Variants in FYN observed in about 807,000 individuals in gnomAD.
FYN encodes the protein FYN proto-oncogene, Src family tyrosine kinase, also known as tyrosine-protein kinase Fyn.
A neutral mutation model predicts 70.2 loss-of-function variants in FYN; 10 were observed. The ratio of observed to expected loss-of-function variants is 0.14; its 90% CI spans 0.09 to 0.24. The LOEUF (loss-of-function observed/expected upper bound fraction) is 0.24, where lower values mean the gene tolerates loss of function less well. Among genes scored for constraint, FYN ranks in the 10% least tolerant of loss-of-function variants. FYN has a pLI of 1.00. For synonymous variants in FYN, 236 were observed against 248.6 expected, an observed-to-expected ratio of 0.95 and a Z score of 0.48; for missense variants, 319 against 673.1, an observed-to-expected ratio of 0.47 and a Z score of 5.82.
At chr6:111,867,779 G>C (rs1312220024) in intron 1 of FYN, among the ~76,000 whole-genome samples, 1 of 151,946 alleles carries the variant, frequency 6.6e-6, no homozygotes, top group Non-Finnish European at 1.5e-5. Flanking sequence ...CATTAGTTCT[G>C]CCTGCCCTCG....
intron 2 of FYN, among the ~76,000 whole-genome samples, chr6:111,797,705 TATATATACAC>T: frequency 1.1e-5 from 1 of 93,082 alleles, no homozygotes; most frequent in South Asian, 3.5e-4. Flanking sequence ...TATATATATA[TATATATACAC>T]ACACACACAC....
At chr6:111,839,164 C>A (rs1399737705) in intron 2 of FYN, among the ~76,000 whole-genome samples, 1 of 152,180 alleles carries the variant, frequency 6.6e-6, no homozygotes, top group Non-Finnish European at 1.5e-5. Flanking sequence ...TAGACAGCCA[C>A]CTATAGAAGA....
intron 3 of FYN, among the ~76,000 whole-genome samples, chr6:111,761,860 G>A (rs986349166): frequency 2.6e-5 from 4 of 152,110 alleles, no homozygotes; most frequent in African/African-American, 9.7e-5. Flanking sequence ...AAATGCTCTC[G>A]AGAATCCCCT....
At chr6:111,667,201 T>G (rs1798049654) in intron 13 of FYN, among the ~76,000 whole-genome samples, 1 of 152,154 alleles carries the variant, frequency 6.6e-6, no homozygotes, top group Admixed American at 6.5e-5. Flanking sequence ...GAGCTGTACA[T>G]GAACTCAGTA....
chr6:111,741,860 C>T (rs958792295), intron 3 of FYN, among the ~76,000 whole-genome samples: 2 of 152,186 alleles, frequency 1.3e-5, no homozygotes. Flanking sequence ...CAACATCAAG[C>T]CTAAGTCCTG....
rs138754652 is a variant in FYN at position 111,694,093 on chromosome 6, A to T, written c.1273+282T>A. The stretch of plus-strand genomic sequence containing the variant: ...CAAAAACAGAGTATTCTAGGCCTGG[A>T]CGCTGTGAGGAGACCAGCATGAGCC... On this transcript the variant is annotated intron_variant, in intron 12 of 13. Coordinates refer to ENST00000354650, the MANE Select transcript of FYN (RefSeq NM_002037.5). The surrounding 1 kb of genome is among the most constrained non-coding windows in gnomAD (Gnocchi z 5.0). Among the ~76,000 whole-genome samples, 88 of 152,262 alleles carry T rather than the reference A, an allele frequency of 5.8e-4. No individual in the cohort carries two copies. The East Asian group carries it at 0.016, about 28-fold the overall frequency.
rs1583504497 is a variant in FYN, at chr6:111,866,202, A to C, written c.-123+6766T>G. ...ACATGTATTAACTCACTGAATCCTC[A>C]CAGCAACCCTCTGAGGCAGGAACTA... On this transcript the variant is annotated intron_variant, in intron 1 of 13. Coordinates refer to ENST00000354650, the MANE Select transcript of FYN (RefSeq NM_002037.5). Among the ~76,000 whole-genome samples the C allele has an allele frequency of 3.3e-5, 5 of 152,326 alleles. 1 individual carries two copies. Among genetic ancestry groups the C allele is most frequent in the Admixed American group, 3.3e-4 (5 of 15,312 alleles).
chr6:111,700,064 AC>A (rs753336667), intron 9 of FYN, 39 bp downstream of exon 9: 4 of 1,589,794 alleles, frequency 2.5e-6, no homozygotes, highest in Non-Finnish European at 3.4e-6. Context: ...GATCTTCCAA[AC>A]GGGGAAGCTA....
intron 13 of FYN, among the ~76,000 whole-genome samples, chr6:111,673,865 G>T (rs1287743272): frequency 1.3e-5 from 2 of 152,144 alleles, no homozygotes; most frequent in African/African-American, 4.8e-5. Flanking sequence ...TCTTTGGAGA[G>T]CATAAATCTG....
At chr6:111,770,708 T>C (rs56169037) in intron 3 of FYN, among the ~76,000 whole-genome samples, 3,686 of 152,244 alleles carry the variant, frequency 0.024, 62 homozygotes, top group Non-Finnish European at 0.04. Flanking sequence ...CTGCTCAGCT[T>C]CTCAGGAGGG....
At chr6:111,742,831 G>A (rs750850079) in intron 3 of FYN, among the ~76,000 whole-genome samples, 5 of 152,158 alleles carry the variant, frequency 3.3e-5, no homozygotes, top group African/African-American at 4.8e-5. Flanking sequence ...AGAGAAGTCC[G>A]GGTGACAAGG....
Position 111,852,486 on chromosome 6 carries a change from G to A in FYN, c.-122-5857C>T, listed in dbSNP as rs1279758825. 2.0e-5 allele frequency among the ~76,000 whole-genome samples: 3 copies of A among 152,160 alleles called. No homozygotes were observed. In the East Asian group the frequency reaches 5.8e-4, roughly 29 times the overall value. Reference sequence around the variant, plus strand: ...AACTGAAATAAAGGGTGGTAGAGAAGTGGGGTGTTGGCCAAAGGAGAATGG... The same window carrying A: ...AACTGAAATAAAGGGTGGTAGAGAAATGGGGTGTTGGCCAAAGGAGAATGG... On this transcript the variant is annotated intron_variant, in intron 1 of 13. Coordinates refer to ENST00000354650, the MANE Select transcript of FYN (RefSeq NM_002037.5).
At chr6:111,664,264 G>T (rs1482589970) in intron 13 of FYN, among the ~76,000 whole-genome samples, 1 of 148,740 alleles carries the variant, frequency 6.7e-6, no homozygotes, top group Non-Finnish European at 1.5e-5. Flanking sequence ...CAGGAACTGA[G>T]GGGAAACAGG....
At chr6:111,724,399 C>A (rs935948224) in intron 3 of FYN, among the ~76,000 whole-genome samples, 4 of 152,198 alleles carry the variant, frequency 2.6e-5, no homozygotes, top group African/African-American at 9.7e-5. Context: ...CATACACTCC[C>A]TCCTCCTGAT....
intron 4 of FYN, among the ~76,000 whole-genome samples, chr6:111,716,857 T>C (rs6916927): frequency 0.13 from 20,037 of 150,888 alleles, 1,494 homozygotes; most frequent in South Asian, 0.33. Flanking sequence ...TAATCTCAGC[T>C]CACTGCAACC....
chr6:111,681,005 T>A (rs1798755939), intron 12 of FYN, among the ~76,000 whole-genome samples: 1 of 151,722 alleles, frequency 6.6e-6, no homozygotes, highest in Non-Finnish European at 1.5e-5. Flanking sequence ...TGCACCACCA[T>A]GCCTGGCTAA....
intron 13 of FYN, among the ~76,000 whole-genome samples, chr6:111,670,886 C>T (rs1432780293): frequency 3.3e-5 from 5 of 152,152 alleles, no homozygotes; most frequent in Non-Finnish European, 7.4e-5. Flanking sequence ...GCATCAACCC[C>T]AGAAAACTGC....
intron 1 of FYN, among the ~76,000 whole-genome samples, chr6:111,861,850 T>C (rs1448452322): frequency 1.3e-5 from 2 of 152,214 alleles, no homozygotes; most frequent in Admixed American, 1.3e-4. Context: ...TTTTGAAGGA[T>C]ATACAAACAA....
chr6:111,720,095 G>A, intron 3 of FYN, 33 bp from the exon 4 acceptor site: 1 of 1,552,244 alleles, frequency 6.4e-7, no homozygotes, highest in Non-Finnish European at 8.7e-7. Context: ...CACGTAAGCT[G>A]GGATGCTCCC....
Sources: allele counts gnomAD v4.1 joint callset (sites outside exome capture counted in the v4.1 genomes callset), GRCh38; gene constraint gnomAD v4.1.1; non-coding constraint Gnocchi (gnomAD v3.1); transcripts MANE v1.5; gene names NCBI Gene and HGNC (gene_info 2026-07-23, HGNC 2026-07-21).